Variants in ANKS1B observed in about 807,000 individuals in gnomAD.
ANKS1B encodes ankyrin repeat and sterile alpha motif domain-containing protein 1B.
In ANKS1B, 36 loss-of-function variants were observed where a neutral mutation model predicts 148.3. That is an observed-to-expected ratio of 0.24 (90% CI 0.19 to 0.32). The LOEUF is 0.32. Ranked by LOEUF, ANKS1B falls within the 10% of genes least tolerant of loss-of-function variation. The pLI is 1.00. For synonymous variants in ANKS1B, 542 were observed against 560.8 expected (o/e 0.97, Z 0.47); for missense variants, 1,157 against 1,542.6 (o/e 0.75, Z 4.19).
At chr12:99,649,535 A>T (rs1727029186) in intron 9 of ANKS1B, 2 of 658,280 alleles carry the variant, frequency 3.0e-6, no homozygotes, top group Non-Finnish European at 5.2e-6. Flanking sequence ...GGTACCATGG[A>T]TGTGGCTGCA....
chr12:99,222,679 T>G (rs1272282244), intron 14 of ANKS1B, among the ~76,000 whole-genome samples: 1 of 152,210 alleles, frequency 6.6e-6, no homozygotes, highest in Non-Finnish European at 1.5e-5. Context: ...AAATGTTCAA[T>G]TTAATCATTT....
chr12:99,932,395 C>T (rs185555454), intron 1 of ANKS1B, among the ~76,000 whole-genome samples: 3 of 152,182 alleles, frequency 2.0e-5, no homozygotes, highest in Admixed American at 2.0e-4. Context: ...CCACCAACAG[C>T]ATACAAATGT....
At chr12:99,903,994 A>G (rs1603449070) in intron 1 of ANKS1B, among the ~76,000 whole-genome samples, 1 of 152,328 alleles carries the variant, frequency 6.6e-6, no homozygotes, top group Admixed American at 6.5e-5. Context: ...AGAGCGATAT[A>G]TGACTAGTGG....
intron 14 of ANKS1B, among the ~76,000 whole-genome samples, chr12:99,197,424 G>A (rs1396681504): frequency 6.6e-6 from 1 of 152,122 alleles, no homozygotes; most frequent in African/African-American, 2.4e-5. Flanking sequence ...AATAGGCAGT[G>A]CTAGGCAGAA....
At chr12:99,953,418 T>C (rs1355227413) in intron 1 of ANKS1B, among the ~76,000 whole-genome samples, 3 of 152,148 alleles carry the variant, frequency 2.0e-5, no homozygotes, top group Non-Finnish European at 4.4e-5. Context: ...CAATAGCATA[T>C]GAGTACAAAA....
Position 99,085,011 on chromosome 12 carries a change from T to C in ANKS1B, c.2539A>G (p.Met847Val), listed in dbSNP as rs1357785575. 4 of 1,607,248 alleles carry C rather than the reference T, an allele frequency of 2.5e-6. No individual in the cohort carries two copies. The highest frequency in any genetic ancestry group is 2.5e-6 in the Non-Finnish European group (3 of 1,176,490). ...DNVQFMGSNVMEDQDLLEIGI... is the reference protein window; with the variant it reads ...DNVQFMGSNVVEDQDLLEIGI... ...ATTTCCAACAAATCCTGATCTTCCA[T>C]AACATTGCTTCCCTGAAACAAAACA... The change falls in exon 16 of 27, where the codon ATG becomes GTG. Residue 847 changes from methionine to valine, a missense_variant. This residue lies in a region of ANKS1B where 258 missense variants were observed against 497.0 expected (regional missense o/e 0.52). Transcript: ENST00000683438.
At chr12:99,862,793 G>C (rs1352920931) in intron 1 of ANKS1B, among the ~76,000 whole-genome samples, 1 of 152,100 alleles carries the variant, frequency 6.6e-6, no homozygotes, top group Admixed American at 6.5e-5. Flanking sequence ...TTTACTGCGA[G>C]CAGTAAGTAT....
At chr12:99,392,385 C>A (rs987607110) in intron 12 of ANKS1B, among the ~76,000 whole-genome samples, 1 of 152,238 alleles carries the variant, frequency 6.6e-6, no homozygotes, top group Non-Finnish European at 1.5e-5. Flanking sequence ...TGCAGAAAAG[C>A]GTCCTATGCT....
chr12:98,760,833 A>G (rs1478192504), intron 25 of ANKS1B, among the ~76,000 whole-genome samples: 1 of 152,238 alleles, frequency 6.6e-6, no homozygotes, highest in Non-Finnish European at 1.5e-5. Context: ...ATTAACTTAT[A>G]GACATGCAGT....
intron 20 of ANKS1B, among the ~76,000 whole-genome samples, chr12:98,803,221 G>C (rs2099020594): frequency 6.6e-6 from 1 of 151,906 alleles, no homozygotes; most frequent in Non-Finnish European, 1.5e-5. Context: ...CAAAATATAG[G>C]ATACGTGGAT....
chr12:99,708,032 G>A (rs1014874625), intron 8 of ANKS1B, among the ~76,000 whole-genome samples: 6 of 152,050 alleles, frequency 3.9e-5, no homozygotes, highest in Non-Finnish European at 7.4e-5. Flanking sequence ...AGGTTAACCT[G>A]GGGGTCTGAA....
At chr12:98,753,248 C>T (rs2098139057) in intron 25 of ANKS1B, among the ~76,000 whole-genome samples, 1 of 152,164 alleles carries the variant, frequency 6.6e-6, no homozygotes, top group African/African-American at 2.4e-5. Context: ...CTTCCAAGCA[C>T]AGCTTCCCCT....
In ANKS1B at chr12:99,675,967, T is replaced by C. The variant is rs182337874; in HGVS notation, c.1129-20757A>G. 8.3e-4 allele frequency among the ~76,000 whole-genome samples: 126 copies of C among 152,296 alleles called. 3 individuals carry two copies. Among genetic ancestry groups the C allele is most frequent in the Admixed American group, 7.3e-3 (111 of 15,288 alleles). On this transcript the variant is annotated intron_variant, in intron 8 of 26. Coordinates refer to ENST00000683438, the MANE Select transcript of ANKS1B (RefSeq NM_001352186.2). ...GGGTTTGGCTTTGTCCCCACTCAAA[T>C]CTCATCTTGAATTGTACTACCTGTA...
In ANKS1B at chr12:99,003,302, C is replaced by T. The variant is rs992527120; in HGVS notation, c.2778+49855G>A. ...GCTTTGTTCTTTCTCAAAATTATTCCGGCTACTCAGGGGCTTTTGTATTTC... is the reference window on the plus strand; with the variant it reads ...GCTTTGTTCTTTCTCAAAATTATTCTGGCTACTCAGGGGCTTTTGTATTTC... On this transcript the variant is annotated intron_variant, in intron 17 of 26. Coordinates refer to ENST00000683438, the MANE Select transcript of ANKS1B (RefSeq NM_001352186.2). 5.3e-5 allele frequency among the ~76,000 whole-genome samples: 8 copies of T among 152,180 alleles called. No individual in the cohort carries two copies. In the South Asian group the frequency reaches 6.2e-4, roughly 12 times the overall value.
chr12:99,800,483 G>A (rs1462843335), intron 4 of ANKS1B, among the ~76,000 whole-genome samples: 2 of 147,572 alleles, frequency 1.4e-5, no homozygotes, highest in African/African-American at 2.5e-5. Flanking sequence ...TAGTCAGGAA[G>A]CAAGAGATGA....
At chr12:99,349,583 G>C (rs938201141) in intron 12 of ANKS1B, among the ~76,000 whole-genome samples, 2 of 151,902 alleles carry the variant, frequency 1.3e-5, no homozygotes, top group Non-Finnish European at 2.9e-5. Context: ...AAAAGAAAAA[G>C]GGAGGCATTA....
At chr12:99,401,375 T>C (rs533750479) in intron 11 of ANKS1B, among the ~76,000 whole-genome samples, 1 of 146,418 alleles carries the variant, frequency 6.8e-6, no homozygotes, top group Non-Finnish European at 1.5e-5. Context: ...TTTTATTGTG[T>C]TGTGTTTTTG....
At chr12:99,588,616 G>A (rs1354281161) in intron 9 of ANKS1B, among the ~76,000 whole-genome samples, 2 of 152,146 alleles carry the variant, frequency 1.3e-5, no homozygotes, top group African/African-American at 4.8e-5. Flanking sequence ...ACATAAAGAT[G>A]ATATTACTTC....
At chr12:98,791,172 C>A (rs907777554) in intron 22 of ANKS1B, among the ~76,000 whole-genome samples, 1 of 152,084 alleles carries the variant, frequency 6.6e-6, no homozygotes, top group Admixed American at 6.5e-5. Context: ...TGGTGAAACC[C>A]TGTCTCTACT....
Sources: allele counts gnomAD v4.1 joint callset (sites outside exome capture counted in the v4.1 genomes callset), GRCh38; gene constraint gnomAD v4.1.1; regional missense constraint gnomAD v4.1.1; transcripts MANE v1.5; gene names NCBI Gene and HGNC (gene_info 2026-07-23, HGNC 2026-07-21).